Variants in ISM1 observed in about 807,000 individuals in gnomAD.
The protein encoded by ISM1 is isthmin-1.
Under a neutral mutation model 46.3 loss-of-function variants are expected in ISM1, and 25 were observed. That is an observed-to-expected ratio of 0.54 (90% CI 0.39 to 0.75). ISM1 has a LOEUF of 0.75. Ranked by LOEUF, ISM1 falls within the 30% of genes least tolerant of loss-of-function variation. The pLI is 0.00. For synonymous variants in ISM1, 255 were observed against 256.7 expected (o/e 0.99, Z 0.06); for missense variants, 536 against 625.4 (o/e 0.86, Z 1.52).
intron 4 of ISM1, among the ~76,000 whole-genome samples, chr20:13,290,744 C>T (rs1480689120): frequency 6.6e-6 from 1 of 152,104 alleles, no homozygotes; most frequent in Admixed American, 6.5e-5. Flanking sequence ...TTTTTGAGTA[C>T]TTAAGTGTCA....
At chr20:13,229,090 T>A (rs2039560046) in intron 1 of ISM1, among the ~76,000 whole-genome samples, 2 of 152,102 alleles carry the variant, frequency 1.3e-5, no homozygotes, top group African/African-American at 4.8e-5. Context: ...TCCTTTTTCT[T>A]CCTTTTTTAT....
At chr20:13,305,484 C>T (rs2040493036), downstream of ISM1, among the ~76,000 whole-genome samples, 3 of 152,236 alleles carry the variant, frequency 2.0e-5, no homozygotes, top group South Asian at 2.1e-4. Flanking sequence ...GGGATTAGGG[C>T]GGAGTTCTCT....
At chr20:13,293,202 C>T (rs959147992) in intron 5 of ISM1, among the ~76,000 whole-genome samples, 12 of 133,732 alleles carry the variant, frequency 9.0e-5, no homozygotes, top group Non-Finnish European at 1.4e-4. Context: ...AGCGAGACTC[C>T]GTCTCAAAAA....
At chr20:13,265,470 A>T (rs1416003241) in intron 1 of ISM1, among the ~76,000 whole-genome samples, 1 of 152,022 alleles carries the variant, frequency 6.6e-6, no homozygotes, top group Non-Finnish European at 1.5e-5. Flanking sequence ...AAATTCTCTG[A>T]TCTGTGAGCA....
the ISM1 span, among the ~76,000 whole-genome samples, chr20:13,322,192 A>G: frequency 6.6e-6 from 1 of 152,228 alleles, no homozygotes; most frequent in South Asian, 2.1e-4. Flanking sequence ...GATGACTTCC[A>G]ATTTGACAGC....
At chr20:13,236,541 G>A (rs944034516) in intron 1 of ISM1, among the ~76,000 whole-genome samples, 1 of 152,044 alleles carries the variant, frequency 6.6e-6, no homozygotes, top group Non-Finnish European at 1.5e-5. Flanking sequence ...GTCCCCCAAA[G>A]GCTTAATTTA....
Position 13,279,648 on chromosome 20 carries a change from G to T in ISM1, c.393G>T (p.Val131=). ...QNPNIQVTIE[V]VDGPDSEADK... ...GAATTCTTCAGGTCACCATAGAGGT[G>T]GTCGACGGTCCTGACTCTGAAGCAG... The change falls in exon 3 of 6, where the codon GTG becomes GTT. Residue 131 remains valine (V), a synonymous_variant. Transcript: ENST00000262487. 1 of 1,613,572 alleles carries T rather than the reference G, an allele frequency of 6.2e-7. No homozygotes were observed. Among genetic ancestry groups the T allele is most frequent in the South Asian group, 1.1e-5 (1 of 90,962 alleles).
rs8116812 is a variant in ISM1 at position 13,227,797 on chromosome 20, C to T, written c.138+5883C>T. ...TGCTGGGATTACAGGTGTGAGCCAC[C>T]GCGCCCGGCCCCAACTTTTTAATTT... On this transcript the variant is annotated intron_variant, in intron 1 of 5. Transcript: ENST00000262487. Among the ~76,000 whole-genome samples the T allele has an allele frequency of 1.1e-3, 171 of 151,660 alleles. 2 individuals carry two copies. The highest frequency in any genetic ancestry group is 3.9e-3 in the African/African-American group (163 of 41,352).
At chr20:13,293,212 A>G (rs990467626) in intron 5 of ISM1, among the ~76,000 whole-genome samples, 1 of 151,802 alleles carries the variant, frequency 6.6e-6, no homozygotes, top group African/African-American at 2.4e-5. Context: ...CGTCTCAAAA[A>G]AAAAAAAAAA....
At chr20:13,268,013 G>A (rs1398005725) in intron 1 of ISM1, among the ~76,000 whole-genome samples, 1 of 152,108 alleles carries the variant, frequency 6.6e-6, no homozygotes, top group Non-Finnish European at 1.5e-5. Context: ...GGAGATTAAG[G>A]GAAAAAAGCA....
chr20:13,240,148 T>C (rs2039702387), intron 1 of ISM1, among the ~76,000 whole-genome samples: 1 of 152,242 alleles, frequency 6.6e-6, no homozygotes, highest in Admixed American at 6.5e-5. Flanking sequence ...ATTCCATTCA[T>C]TCATTCAGCA....
At chr20:13,316,809 A>G in the ISM1 span, among the ~76,000 whole-genome samples, 6,286 of 151,968 alleles carry the variant, frequency 0.041, 405 homozygotes, top group African/African-American at 0.14. Context: ...AAGAAAACCT[A>G]CAAAACACCC....
chr20:13,300,111 G>A lies in ISM1; in HGVS notation c.*652G>A, dbSNP rs2040445809. 1 of 152,248 alleles carries A rather than the reference G, an allele frequency of 6.6e-6. No homozygotes were observed. Among genetic ancestry groups the A allele is most frequent in the Admixed American group, 6.5e-5 (1 of 15,292 alleles). The allele number at this position is 152,248 out of a possible 1,614,324, so 9.4% of individuals were successfully genotyped here. On this transcript the variant is annotated 3_prime_UTR_variant, in exon 6 of 6. Coordinates refer to ENST00000262487, the MANE Select transcript of ISM1 (RefSeq NM_080826.2). Reference sequence around the variant, plus strand: ...AAAGTCTCTTCTTCAGACTGGGTAGGGAATATGATATTTTAGGGACAAAGC... The same window carrying A: ...AAAGTCTCTTCTTCAGACTGGGTAGAGAATATGATATTTTAGGGACAAAGC...
At position 13,279,915 on chromosome 20, in the gene ISM1, G is replaced by C. The variant is rs750439229; in HGVS notation, c.643+17G>C. 17 of 1,607,512 alleles carry C rather than the reference G, an allele frequency of 1.1e-5. No individual in the cohort carries two copies. The highest frequency in any genetic ancestry group is 1.4e-5 in the Non-Finnish European group (17 of 1,175,272). The stretch of plus-strand genomic sequence containing the variant: ...CAGAATATGGTGAGTTTACCACCTA[G>C]TAATATAAAATTGGTGGGAAGAATA... On this transcript the variant is annotated intron_variant, in intron 3 of 5. Transcript: ENST00000262487.
At chr20:13,278,157 G>A (rs2040201588) in intron 2 of ISM1, among the ~76,000 whole-genome samples, 1 of 152,194 alleles carries the variant, frequency 6.6e-6, no homozygotes, top group African/African-American at 2.4e-5. Flanking sequence ...ATGGCCAAAG[G>A]AACCCAATGC....
intron 1 of ISM1, among the ~76,000 whole-genome samples, chr20:13,269,757 G>A (rs929015595): frequency 6.6e-6 from 1 of 152,004 alleles, no homozygotes; most frequent in African/African-American, 2.4e-5. Context: ...TTTCTTCTTG[G>A]CAGTCACCGT....
the ISM1 span, among the ~76,000 whole-genome samples, chr20:13,310,198 G>C: frequency 5.2e-4 from 79 of 152,256 alleles, 2 homozygotes; most frequent in Middle Eastern, 0.01. Context: ...TACTACAAAG[G>C]TGTAGTAATC....
In ISM1 at chr20:13,270,541, C is replaced by T. The variant is rs764195498; in HGVS notation, c.176C>T (p.Thr59Ile). 38 of 1,613,614 alleles carry T rather than the reference C, an allele frequency of 2.4e-5. No individual in the cohort carries two copies. Among genetic ancestry groups the T allele is most frequent in the South Asian group, 5.5e-5 (5 of 91,002 alleles). The stretch of plus-strand genomic sequence containing the variant: ...GTGGGAAGTGACACCACATCAGAAA[C>T]CAGCTTTTCTCTCTCCAAAGAAGCA... ...LNVGSDTTSE[T>I]SFSLSKEAPR... is the part of the protein sequence containing the mutation. The change falls in exon 2 of 6, where the codon ACC becomes ATC. Residue 59 changes from threonine (T) to isoleucine (I), a missense_variant. By Grantham distance (89) the Thr-to-Ile change is moderately conservative (BLOSUM62 -1). This residue lies in a region of ISM1 where 367 missense variants were observed against 376.1 expected (regional missense o/e 0.98). Transcript: ENST00000262487.
downstream of ISM1, among the ~76,000 whole-genome samples, chr20:13,304,961 G>C (rs2040488600): frequency 6.6e-6 from 1 of 151,918 alleles, no homozygotes; most frequent in Non-Finnish European, 1.5e-5. Context: ...GTGCTTCCAG[G>C]GGACCCCAAA....
Sources: allele counts gnomAD v4.1 joint callset (sites outside exome capture counted in the v4.1 genomes callset), GRCh38; gene constraint gnomAD v4.1.1; regional missense constraint gnomAD v4.1.1; transcripts MANE v1.5; gene names NCBI Gene and HGNC (gene_info 2026-07-23, HGNC 2026-07-21).